The following PARD3 variants were observed in gnomAD, a reference collection of about 807,000 sequenced individuals.
PARD3 encodes the protein par-3 family cell polarity regulator.
In PARD3, 75 loss-of-function variants were observed where a neutral mutation model predicts 155.4. That is an observed-to-expected ratio of 0.48 (90% CI 0.40 to 0.58). The LOEUF (loss-of-function observed/expected upper bound fraction) is 0.58. Ranked by LOEUF, PARD3 falls within the 20% of genes least tolerant of loss-of-function variation. The pLI, the probability that PARD3 is intolerant of heterozygous loss-of-function variation, is 0.00. For synonymous variants in PARD3, 576 were observed against 610.5 expected, an observed-to-expected ratio of 0.94 and a Z score of 0.83; for missense variants, 1,642 against 1,721.7, an observed-to-expected ratio of 0.95 and a Z score of 0.82.
At chr10:34,334,681 A>T (rs539337042) in intron 18 of PARD3, among the ~76,000 whole-genome samples, 3 of 151,072 alleles carry the variant, frequency 2.0e-5, no homozygotes, top group Non-Finnish European at 4.4e-5. Context: ...CTTTGTAATA[A>T]TTTTTTGCCC....
chr10:34,551,583 C>T (rs765371521), intron 2 of PARD3, among the ~76,000 whole-genome samples: 23 of 152,160 alleles, frequency 1.5e-4, no homozygotes, highest in Non-Finnish European at 2.9e-4. Context: ...TCCTGCACCC[C>T]GACTCCTGCC....
intron 22 of PARD3, among the ~76,000 whole-genome samples, chr10:34,234,450 T>G (rs1445219696): frequency 1.3e-5 from 2 of 152,210 alleles, no homozygotes. Flanking sequence ...CTCAACACAC[T>G]GTAGCCACAC....
At chr10:34,166,640 A>G (rs1949541980) in intron 22 of PARD3, among the ~76,000 whole-genome samples, 1 of 151,160 alleles carries the variant, frequency 6.6e-6, no homozygotes, top group Non-Finnish European at 1.5e-5. Flanking sequence ...AAAAAAAAAG[A>G]GTTCAGAAAG....
At chr10:34,248,319 C>T (rs1474048585) in intron 22 of PARD3, among the ~76,000 whole-genome samples, 1 of 152,104 alleles carries the variant, frequency 6.6e-6, no homozygotes, top group Non-Finnish European at 1.5e-5. Context: ...TTAAAATAAA[C>T]AGCATGGTCA....
intron 22 of PARD3, among the ~76,000 whole-genome samples, chr10:34,196,989 C>T (rs989367107): frequency 1.3e-5 from 2 of 152,172 alleles, no homozygotes; most frequent in Non-Finnish European, 2.9e-5. Flanking sequence ...ATCCACCTCA[C>T]GAAATGGCTG....
chr10:34,406,076 G>A (rs560944775), intron 5 of PARD3, among the ~76,000 whole-genome samples: 5 of 152,176 alleles, frequency 3.3e-5, no homozygotes, highest in Non-Finnish European at 5.9e-5. Context: ...CCAAACTGCA[G>A]AGTTTAATCA....
chr10:34,669,435 G>C (rs1020984367), intron 2 of PARD3, among the ~76,000 whole-genome samples: 2 of 152,132 alleles, frequency 1.3e-5, no homozygotes, highest in African/African-American at 4.8e-5. Context: ...TGGAATGATA[G>C]ACGGTGGAGA....
At chr10:34,386,978 G>A (rs1017556543) in intron 7 of PARD3, among the ~76,000 whole-genome samples, 6 of 152,144 alleles carry the variant, frequency 3.9e-5, no homozygotes, top group Admixed American at 3.9e-4. Flanking sequence ...AGGAAACGAT[G>A]TCTCAGTCAC....
At chr10:34,542,737 T>C (rs773627802) in intron 2 of PARD3, among the ~76,000 whole-genome samples, 3 of 152,202 alleles carry the variant, frequency 2.0e-5, no homozygotes, top group Non-Finnish European at 2.9e-5. Flanking sequence ...TAGGTGCTCA[T>C]TGCAGAGAAC....
At chr10:34,369,316 G>GTTTA (rs200089677) in intron 12 of PARD3, among the ~76,000 whole-genome samples, 1,690 of 56,172 alleles carry the variant, frequency 0.03, 24 homozygotes, top group Middle Eastern at 0.11. Flanking sequence ...TTATTTATTT[G>GTTTA]TTTATTTATT....
intron 2 of PARD3, among the ~76,000 whole-genome samples, chr10:34,665,866 A>AGAACC (rs1491410087): frequency 2.0e-5 from 3 of 149,066 alleles, no homozygotes; most frequent in Admixed American, 6.7e-5. Flanking sequence ...AGAACAGAAC[A>AGAACC]GAACAGAACA....
At chr10:34,540,516 A>G (rs1333135390) in intron 2 of PARD3, among the ~76,000 whole-genome samples, 1 of 152,162 alleles carries the variant, frequency 6.6e-6, no homozygotes, top group Admixed American at 6.6e-5. Flanking sequence ...GGACTTAGGG[A>G]GGCTGAGCTG....
At chr10:34,525,038 A>G (rs1268537372) in intron 2 of PARD3, among the ~76,000 whole-genome samples, 1 of 152,238 alleles carries the variant, frequency 6.6e-6, no homozygotes, top group Non-Finnish European at 1.5e-5. Flanking sequence ...ATCCTTAATC[A>G]TTCTCTGAGC....
intron 22 of PARD3, among the ~76,000 whole-genome samples, chr10:34,199,522 G>A (rs967330971): frequency 2.0e-5 from 3 of 152,098 alleles, no homozygotes; most frequent in Non-Finnish European, 4.4e-5. Context: ...ATGGTTTCAT[G>A]AGGGTGACCA....
At chr10:34,381,912 CAAAAAA>C (rs202053812) in intron 9 of PARD3, among the ~76,000 whole-genome samples, 92 of 71,852 alleles carry the variant, frequency 1.3e-3, no homozygotes, top group African/African-American at 3.3e-3. Flanking sequence ...GGCCCTGTCT[CAAAAAA>C]AAAAAAAAAA....
chr10:34,159,050 C>A (rs1949146880), intron 22 of PARD3, among the ~76,000 whole-genome samples: 1 of 152,222 alleles, frequency 6.6e-6, no homozygotes, highest in Non-Finnish European at 1.5e-5. Flanking sequence ...TGGAACCAAA[C>A]AACCACAGAG....
intron 5 of PARD3, among the ~76,000 whole-genome samples, chr10:34,424,792 G>A (rs1304643234): frequency 1.1e-4 from 16 of 152,132 alleles, no homozygotes. Flanking sequence ...TGGGATTACA[G>A]GGGTGAGCCA....
At chr10:34,390,516 A>G (rs1842781798) in intron 7 of PARD3, among the ~76,000 whole-genome samples, 1 of 152,214 alleles carries the variant, frequency 6.6e-6, no homozygotes, top group South Asian at 2.1e-4. Context: ...TATTTAAACC[A>G]TACAAAAGTC....
intron 9 of PARD3, 103 bp downstream of exon 9, chr10:34,382,437 C>T (rs952160622): frequency 1.7e-6 from 2 of 1,177,356 alleles, no homozygotes; most frequent in South Asian, 1.4e-5. Context: ...ACTCAGGGTG[C>T]TTTGGGTTAG....
Sources: allele counts gnomAD v4.1 joint callset (sites outside exome capture counted in the v4.1 genomes callset), GRCh38; gene constraint gnomAD v4.1.1; transcripts MANE v1.5; gene names NCBI Gene and HGNC (gene_info 2026-07-23, HGNC 2026-07-21).